Variants in SEPTIN14 observed in about 807,000 individuals in gnomAD.
The protein encoded by SEPTIN14 is septin 14.
In SEPTIN14, 40 loss-of-function variants were observed where a neutral mutation model predicts 53.6. The ratio of observed to expected loss-of-function variants is 0.75; its 90% CI spans 0.58 to 0.97. The LOEUF is 0.97. Among genes scored for constraint, SEPTIN14 ranks in the 50% least tolerant of loss-of-function variants. SEPTIN14 has a pLI of 0.00. For missense variants in SEPTIN14, 471 were observed against 508.2 expected (o/e 0.93, Z 0.70); for synonymous variants, 138 against 166.8 (o/e 0.83, Z 1.33).
chr7:55,826,312 C>T (rs1788986122), intron 6 of SEPTIN14, among the ~76,000 whole-genome samples: 1 of 152,042 alleles, frequency 6.6e-6, no homozygotes, highest in Non-Finnish European at 1.5e-5. Context: ...CATACCCTGA[C>T]CTATATCACA....
In SEPTIN14 at chr7:55,832,803, T is replaced by G. The variant is rs146793801; in HGVS notation, c.720+1622A>C. 2.8e-3 allele frequency among the ~76,000 whole-genome samples: 425 copies of G among 152,100 alleles called. 5 individuals are homozygous for G. Among genetic ancestry groups the G allele is most frequent in the Middle Eastern group, 0.01 (3 of 294 alleles). On this transcript the variant is annotated intron_variant, in intron 6 of 9. Coordinates refer to ENST00000388975, the MANE Select transcript of SEPTIN14 (RefSeq NM_207366.3). ...ATTATCTATTGGTAGTGAGATGTGA[T>G]CACGCCACTGCACACCAGCCAGGGC...
chr7:55,807,414 G>A (rs1384092531), intron 7 of SEPTIN14, among the ~76,000 whole-genome samples, 156 bp from the exon 8 acceptor site: 2 of 152,158 alleles, frequency 1.3e-5, no homozygotes, highest in African/African-American at 4.8e-5. Context: ...GCATGTAAGT[G>A]TGGTTGTACT....
intron 2 of SEPTIN14, among the ~76,000 whole-genome samples, chr7:55,860,090 A>G (rs1349597068): frequency 2.0e-5 from 3 of 147,056 alleles, no homozygotes; most frequent in Non-Finnish European, 3.1e-5. Context: ...GCGGCAGGAG[A>G]ATCAATTGAA....
chr7:55,801,170 C>T (rs1475448505), intron 9 of SEPTIN14, among the ~76,000 whole-genome samples: 2 of 151,556 alleles, frequency 1.3e-5, no homozygotes, highest in East Asian at 3.9e-4. Flanking sequence ...AGCGCAAAGT[C>T]AGTAAAAGCA....
intron 7 of SEPTIN14, chr7:55,811,184 G>T (rs186843410): frequency 5.8e-6 from 3 of 513,912 alleles, no homozygotes; most frequent in South Asian, 1.6e-5. Context: ...CAAGGGAGAA[G>T]TAGTTGAGCC....
chr7:55,861,291 A>G (rs1431645440), intron 2 of SEPTIN14, among the ~76,000 whole-genome samples: 1 of 152,136 alleles, frequency 6.6e-6, no homozygotes, highest in African/African-American at 2.4e-5. Context: ...TGAGGTCAGG[A>G]GTTCGAGACC....
rs1448660509 is a variant in SEPTIN14 at position 55,805,256 on chromosome 7, AC to A, written c.1119+1del. On this transcript the variant is annotated splice_donor_variant, in intron 9 of 9. Transcript: ENST00000388975. LOFTEE classifies it high-confidence loss of function. ...AAATTATATCAAACTGTCAGTACTA[AC>A]CTCTTTTTCAGCTTCTTTAAATGTT... 1.2e-6 allele frequency: 2 copies of A among 1,610,924 alleles called. No individual in the cohort carries two copies. The highest frequency in any genetic ancestry group is 2.7e-5 in the African/African-American group (2 of 74,756).
chr7:55,811,211 T>C, intron 7 of SEPTIN14: 1 of 525,566 alleles, frequency 1.9e-6, no homozygotes, highest in Non-Finnish European at 3.8e-6. Flanking sequence ...GCCATTCATC[T>C]TTGCGCAGTG....
At chr7:55,799,147 A>G (rs1788482513) in intron 9 of SEPTIN14, among the ~76,000 whole-genome samples, 1 of 152,126 alleles carries the variant, frequency 6.6e-6, no homozygotes. Context: ...ACAATTCTCA[A>G]TAATATGTGG....
chr7:55,814,561 T>A (rs1788761155), intron 7 of SEPTIN14, among the ~76,000 whole-genome samples: 1 of 151,940 alleles, frequency 6.6e-6, no homozygotes, highest in African/African-American at 2.4e-5. Flanking sequence ...ATGACAGCTA[T>A]AAAATAAAAT....
chr7:55,799,970 G>C (rs975497066), intron 9 of SEPTIN14, among the ~76,000 whole-genome samples: 2 of 152,078 alleles, frequency 1.3e-5, no homozygotes, highest in South Asian at 4.1e-4. Flanking sequence ...CTCCAACATA[G>C]ATCATATATT....
At chr7:55,840,718 G>T (rs1245195675) in intron 5 of SEPTIN14, among the ~76,000 whole-genome samples, 1 of 151,982 alleles carries the variant, frequency 6.6e-6, no homozygotes, top group Admixed American at 6.6e-5. Context: ...CTAACACACT[G>T]ATGCAAATGC....
chr7:55,800,258 A>T (rs908071492), intron 9 of SEPTIN14, among the ~76,000 whole-genome samples: 6 of 152,300 alleles, frequency 3.9e-5, no homozygotes, highest in African/African-American at 1.2e-4. Context: ...ACCTCACGTT[A>T]AGTGAAATAA....
At chr7:55,841,883 G>A (rs537675523) in intron 5 of SEPTIN14, among the ~76,000 whole-genome samples, 28 of 148,238 alleles carry the variant, frequency 1.9e-4, no homozygotes, top group South Asian at 4.3e-4. Context: ...AAAATTAGCC[G>A]GGCATGGTGG....
chr7:55,861,464 T>C (rs1789748019), intron 2 of SEPTIN14, among the ~76,000 whole-genome samples: 1 of 149,774 alleles, frequency 6.7e-6, no homozygotes. Context: ...ATCACGCCAC[T>C]GCACTCCAGC....
chr7:55,824,121 G>A (rs980676181), intron 6 of SEPTIN14, among the ~76,000 whole-genome samples: 5 of 152,132 alleles, frequency 3.3e-5, no homozygotes, highest in African/African-American at 1.2e-4. Flanking sequence ...CATCATTGAT[G>A]AATGGAAAGA....
intron 6 of SEPTIN14, among the ~76,000 whole-genome samples, chr7:55,824,195 C>T (rs1461232587): frequency 6.6e-6 from 1 of 152,038 alleles, no homozygotes; most frequent in Non-Finnish European, 1.5e-5. Context: ...TTAAAGATAA[C>T]AAGATAAGCC....
chr7:55,847,282 A>T (rs1789431444), intron 2 of SEPTIN14, among the ~76,000 whole-genome samples: 1 of 152,144 alleles, frequency 6.6e-6, no homozygotes, highest in Non-Finnish European at 1.5e-5. Flanking sequence ...CTGTAACATA[A>T]TAAATTATTT....
At chr7:55,829,819 T>TAAA (rs1173872838) in intron 6 of SEPTIN14, among the ~76,000 whole-genome samples, 1 of 7,894 alleles carries the variant, frequency 1.3e-4, no homozygotes, top group Admixed American at 1.7e-3. Context: ...AGACTCCATC[T>TAAA]CAAAAAAAAA....
Sources: allele counts gnomAD v4.1 joint callset (sites outside exome capture counted in the v4.1 genomes callset), GRCh38; gene constraint gnomAD v4.1.1; transcripts MANE v1.5; gene names NCBI Gene and HGNC (gene_info 2026-07-23, HGNC 2026-07-21).